CNNM1: variants seen among roughly 807,000 people sequenced by gnomAD.
CNNM1 encodes the protein cyclin and CBS domain divalent metal cation transport mediator 1, also known as metal transporter CNNM1.
Under a neutral mutation model 78.8 loss-of-function variants are expected in CNNM1, and 44 were observed. That is an observed-to-expected ratio of 0.56 (90% CI 0.44 to 0.72). The LOEUF is 0.72. Among genes scored for constraint, CNNM1 ranks in the 30% least tolerant of loss-of-function variants. The pLI, the probability that CNNM1 is intolerant of heterozygous loss-of-function variation, is 0.00. For missense variants in CNNM1, 1,101 were observed against 1,292.2 expected (o/e 0.85, Z 2.27); for synonymous variants, 584 against 581.5 (o/e 1.00, Z -0.06).
Position 99,357,608 on chromosome 10 carries a change from T to C in CNNM1, c.1670T>C (p.Ile557Thr). Residue 557 changes from isoleucine to threonine, a missense_variant, in exon 2 of 11, where the codon ATA becomes ACA. By Grantham distance (89) the Ile-to-Thr change is moderately conservative. Transcript: ENST00000356713. ...VMGIVTLEDI[I>T]EEIIKSEILD... ...GGCATTGTCACGCTGGAGGATATCA[T>C]AGAGGAGATTATCAAGTCGGAGATC... The C allele has an allele frequency of 6.2e-7, 1 of 1,613,570 alleles. No homozygotes were observed. Among genetic ancestry groups the C allele is most frequent in the African/African-American group, 1.3e-5 (1 of 75,020 alleles).
At chr10:99,333,614 A>C (rs1589881900) in intron 1 of CNNM1, among the ~76,000 whole-genome samples, 1 of 152,226 alleles carries the variant, frequency 6.6e-6, no homozygotes, top group East Asian at 1.9e-4. Context: ...CAAAGTGCTG[A>C]GATTACAGGC....
In CNNM1 at chr10:99,330,576, T is replaced by C. The variant is rs2134007960; in HGVS notation, c.1189T>C (p.Leu397=). 6.2e-7 allele frequency: 1 copy of C among 1,609,984 alleles called. No homozygotes were observed. Among genetic ancestry groups the C allele is most frequent in the Non-Finnish European group, 8.5e-7 (1 of 1,178,214 alleles). The change falls in exon 1 of 11, where the codon TTG becomes CTG. Residue 397 remains leucine (L), a synonymous_variant. Coordinates refer to ENST00000356713, the MANE Select transcript of CNNM1 (RefSeq NM_020348.3). ...EISTFYTREK[L]LETLRAADPY... is the part of the protein sequence containing the mutation. Reference sequence around the variant, plus strand: ...AAGCACCTTCTACACGCGGGAGAAGTTGCTGGAGACGTTGCGGGCCGCAGA... The same window carrying C: ...AAGCACCTTCTACACGCGGGAGAAGCTGCTGGAGACGTTGCGGGCCGCAGA...
chr10:99,390,542 TC>T (rs1188446391), intron 10 of CNNM1, 135 bp downstream of exon 10: 1 of 671,900 alleles, frequency 1.5e-6, no homozygotes. Flanking sequence ...ATTGTGGAAA[TC>T]CGCAGAAGGG....
intron 1 of CNNM1, among the ~76,000 whole-genome samples, chr10:99,348,830 T>C (rs1416634488): frequency 6.6e-6 from 1 of 152,166 alleles, no homozygotes; most frequent in African/African-American, 2.4e-5. Context: ...AGTGGGCAGA[T>C]TGCTTGAACT....
At chr10:99,368,601 G>A in intron 6 of CNNM1, 2 of 1,288,806 alleles carry the variant, frequency 1.6e-6, no homozygotes, top group South Asian at 1.2e-5. Context: ...ACAAATCCTT[G>A]GCCCCTGACT....
intron 6 of CNNM1, among the ~76,000 whole-genome samples, chr10:99,375,516 T>C (rs1206470103): frequency 6.6e-6 from 1 of 152,202 alleles, no homozygotes; most frequent in Non-Finnish European, 1.5e-5. Flanking sequence ...GGAAGTGGAC[T>C]CCTTAATTCC....
At position 99,378,254 on chromosome 10, in the gene CNNM1, G is replaced by A. The variant is rs1021195399; in HGVS notation, c.2340+1036G>A. On this transcript the variant is annotated intron_variant, in intron 7 of 10. Transcript: ENST00000356713. ...TGGGATTACAGGCGTGAGCCACCGC[G>A]CCCAGCCTGTTTTGTTTCCTAGTAT... Among the ~76,000 whole-genome samples the A allele has an allele frequency of 2.6e-5, 4 of 152,100 alleles. No homozygotes were observed. In the East Asian group the frequency reaches 5.8e-4, roughly 22 times the overall value.
At chr10:99,387,745 C>G (rs190320889) in intron 7 of CNNM1, 75 bp from the exon 8 acceptor site, 11 of 1,448,450 alleles carry the variant, frequency 7.6e-6, no homozygotes, top group Non-Finnish European at 1.0e-5. Flanking sequence ...AGGCTGCCCC[C>G]GAGCCTGGGA....
chr10:99,388,399 C>T (rs1316810772), intron 9 of CNNM1, 98 bp downstream of exon 9: 45 of 1,411,854 alleles, frequency 3.2e-5, no homozygotes, highest in Non-Finnish European at 3.6e-5. Flanking sequence ...GCCCTGGGAC[C>T]GCAGCCCGTG....
At chr10:99,356,486 AAGAGAGAG>A (rs60050038) in intron 1 of CNNM1, among the ~76,000 whole-genome samples, 82,779 of 136,700 alleles carry the variant, frequency 0.61, 27,215 homozygotes, top group East Asian at 0.75. Context: ...GAAAGAAAGA[AAGAGAGAG>A]AGAGAGAGAG....
chr10:99,367,452 A>T (rs1397022405), intron 6 of CNNM1, among the ~76,000 whole-genome samples: 1 of 152,174 alleles, frequency 6.6e-6, no homozygotes. Context: ...GATTGCCAGG[A>T]ACCCAGGGTA....
intron 9 of CNNM1, among the ~76,000 whole-genome samples, chr10:99,388,784 A>G (rs891024344): frequency 6.6e-6 from 1 of 152,216 alleles, no homozygotes; most frequent in South Asian, 2.1e-4. Flanking sequence ...CCTACCTTAC[A>G]GATTAGGAAA....
intron 7 of CNNM1, among the ~76,000 whole-genome samples, chr10:99,380,009 A>AG (rs1299172718): frequency 6.8e-6 from 1 of 146,350 alleles, no homozygotes. Context: ...AAAGAAAGGA[A>AG]GTAAACTCTC....
At chr10:99,364,620 G>A in intron 5 of CNNM1, 104 bp downstream of exon 5, 1 of 924,882 alleles carries the variant, frequency 1.1e-6, no homozygotes, top group Non-Finnish European at 1.6e-6. Flanking sequence ...TAATCAGCCT[G>A]GACAAGCCAT....
chr10:99,347,443 C>A (rs1244113999), intron 1 of CNNM1, among the ~76,000 whole-genome samples: 3 of 151,878 alleles, frequency 2.0e-5, no homozygotes, highest in Non-Finnish European at 2.9e-5. Context: ...TCGCTTGAAC[C>A]CGGGAGGCGG....
intron 6 of CNNM1, among the ~76,000 whole-genome samples, chr10:99,366,213 C>A (rs1343165116): frequency 1.3e-5 from 2 of 152,120 alleles, no homozygotes; most frequent in East Asian, 3.9e-4. Flanking sequence ...GACAATGAAT[C>A]TCAATCAAGG....
intron 6 of CNNM1, among the ~76,000 whole-genome samples, chr10:99,366,475 T>TAA (rs879340914): frequency 1.4e-5 from 2 of 138,010 alleles, no homozygotes; most frequent in African/African-American, 2.7e-5. Flanking sequence ...CCTTCTTTCT[T>TAA]AAAAAAAAAA....
intron 6 of CNNM1, among the ~76,000 whole-genome samples, chr10:99,376,839 A>G (rs2031977248): frequency 1.3e-5 from 2 of 152,152 alleles, no homozygotes; most frequent in South Asian, 4.1e-4. Flanking sequence ...TGTTCCTCTT[A>G]GGAATAAACA....
At chr10:99,386,212 A>G (rs994246810) in intron 7 of CNNM1, among the ~76,000 whole-genome samples, 1 of 152,184 alleles carries the variant, frequency 6.6e-6, no homozygotes, top group African/African-American at 2.4e-5. Flanking sequence ...CCTTTAGAAG[A>G]AAAAAACCAA....
Sources: allele counts gnomAD v4.1 joint callset (sites outside exome capture counted in the v4.1 genomes callset), GRCh38; gene constraint gnomAD v4.1.1; transcripts MANE v1.5; gene names NCBI Gene and HGNC (gene_info 2026-07-23, HGNC 2026-07-21).